Variants in ANKFN1 observed in about 807,000 individuals in gnomAD.
ANKFN1 encodes the protein ankyrin repeat and fibronectin type-III domain-containing protein 1.
A neutral mutation model predicts 108.7 loss-of-function variants in ANKFN1; 74 were observed. The ratio of observed to expected loss-of-function variants is 0.68; its 90% confidence interval spans 0.56 to 0.83. The LOEUF is 0.83. Ranked by LOEUF, ANKFN1 falls within the 40% of genes least tolerant of loss-of-function variation. The pLI is 0.00. For synonymous variants in ANKFN1, 547 were observed against 516.2 expected (o/e 1.06, Z -0.81); for missense variants, 1,505 against 1,382.3 (o/e 1.09, Z -1.41).
chr17:56,104,861 C>T (rs563833258), intron 4 of ANKFN1, among the ~76,000 whole-genome samples: 1 of 152,224 alleles, frequency 6.6e-6, no homozygotes, highest in East Asian at 1.9e-4. Context: ...GAGAGGGTCA[C>T]AGGACAACTA....
chr17:56,487,911 G>A (rs1284395624), intron 18 of ANKFN1, among the ~76,000 whole-genome samples: 1 of 152,196 alleles, frequency 6.6e-6, no homozygotes, highest in Non-Finnish European at 1.5e-5. Flanking sequence ...GAGACCTGCA[G>A]CCTGATTAAG....
At chr17:56,467,888 G>T (rs558906878) in intron 15 of ANKFN1, among the ~76,000 whole-genome samples, 2 of 151,926 alleles carry the variant, frequency 1.3e-5, no homozygotes, top group South Asian at 2.1e-4. Flanking sequence ...GCTCAAAGAG[G>T]TTAAATGACA....
chr17:56,127,201 G>A (rs1026913392), intron 4 of ANKFN1, among the ~76,000 whole-genome samples: 1 of 152,170 alleles, frequency 6.6e-6, no homozygotes, highest in Non-Finnish European at 1.5e-5. Context: ...TGATTTTGTA[G>A]ATAAGGAAAT....
chr17:56,453,312 T>C (rs2049559173), intron 11 of ANKFN1, among the ~76,000 whole-genome samples: 1 of 152,200 alleles, frequency 6.6e-6, no homozygotes, highest in Non-Finnish European at 1.5e-5. Context: ...TACATTATAA[T>C]GATAAATTAT....
intron 1 of ANKFN1, chr17:56,174,485 G>T (rs957067594): frequency 8.9e-6 from 8 of 900,352 alleles, no homozygotes; most frequent in African/African-American, 3.6e-5. Context: ...AATTACTTGT[G>T]CTCCCCCTCC....
At chr17:56,405,538 T>C (rs1415193101) in intron 8 of ANKFN1, among the ~76,000 whole-genome samples, 2 of 152,174 alleles carry the variant, frequency 1.3e-5, no homozygotes, top group East Asian at 3.8e-4. Flanking sequence ...AGTAGGGGGA[T>C]TTATCCTACA....
chr17:56,311,177 G>GTA (rs991559150), intron 3 of ANKFN1, among the ~76,000 whole-genome samples: 14 of 152,152 alleles, frequency 9.2e-5, no homozygotes, highest in African/African-American at 3.1e-4. Context: ...TTGTGTGTGT[G>GTA]TGTGTGTGTA....
intron 6 of ANKFN1, among the ~76,000 whole-genome samples, chr17:56,356,767 G>T (rs1323789186): frequency 6.6e-6 from 1 of 152,176 alleles, no homozygotes; most frequent in Admixed American, 6.5e-5. Flanking sequence ...GAAGGGTGGA[G>T]AGAGAATCAG....
chr17:56,489,261 C>A (rs944616549), intron 18 of ANKFN1, among the ~76,000 whole-genome samples: 3 of 152,022 alleles, frequency 2.0e-5, no homozygotes, highest in Non-Finnish European at 2.9e-5. Context: ...TCATGTGGTC[C>A]AGCTAATGAC....
chr17:56,113,582 T>C (rs1244714551), intron 4 of ANKFN1, among the ~76,000 whole-genome samples: 2 of 152,190 alleles, frequency 1.3e-5, no homozygotes, highest in African/African-American at 4.8e-5. Context: ...TCTGTGTATC[T>C]CAACATTCTC....
At chr17:56,157,937 A>G (rs567602705) in intron 1 of ANKFN1, among the ~76,000 whole-genome samples, 1 of 152,338 alleles carries the variant, frequency 6.6e-6, no homozygotes, top group Admixed American at 6.5e-5. Flanking sequence ...CTTCAACTCC[A>G]GGTAATATAA....
chr17:56,132,873 ACTCCAC>A (rs894369702), intron 4 of ANKFN1, among the ~76,000 whole-genome samples: 12 of 151,764 alleles, frequency 7.9e-5, no homozygotes, highest in African/African-American at 2.7e-4. Context: ...TCTCCCAAAG[ACTCCAC>A]CTCCTAATAC....
At chr17:56,226,544 T>G (rs895545358) in intron 2 of ANKFN1, among the ~76,000 whole-genome samples, 1 of 152,168 alleles carries the variant, frequency 6.6e-6, no homozygotes, top group Non-Finnish European at 1.5e-5. Flanking sequence ...AAAAGCAATC[T>G]GGATGAGGAA....
At chr17:56,213,001 G>A (rs976050564) in intron 2 of ANKFN1, among the ~76,000 whole-genome samples, 1 of 152,190 alleles carries the variant, frequency 6.6e-6, no homozygotes, top group African/African-American at 2.4e-5. Context: ...CCTCACATCT[G>A]AAGTTCTTTG....
intron 4 of ANKFN1, among the ~76,000 whole-genome samples, chr17:56,117,892 G>A (rs1906374590): frequency 6.6e-6 from 1 of 151,986 alleles, no homozygotes; most frequent in Admixed American, 6.6e-5. Flanking sequence ...ATCCATCTCT[G>A]CCAATTCTCC....
intron 6 of ANKFN1, among the ~76,000 whole-genome samples, chr17:56,354,821 T>A (rs998172761): frequency 6.6e-6 from 1 of 152,216 alleles, no homozygotes; most frequent in Non-Finnish European, 1.5e-5. Flanking sequence ...ATTTTCTTTA[T>A]CTATTCATCT....
chr17:56,440,421 A>C lies in ANKFN1; in HGVS notation c.1005A>C (p.Thr335=). Residue 335 remains threonine, a synonymous_variant, in exon 9 of 21, where the codon ACA becomes ACC. Transcript: ENST00000682825. The part of the protein sequence containing the change: ...QTLRCTITGL[T]MGQQYFVQVS... ...TGAGATGCACAATCACAGGACTTAC[A>C]ATGGTAAATGTCCCCAGTAGACTTT... The C allele has an allele frequency of 1.9e-6, 3 of 1,607,252 alleles. No individual in the cohort carries two copies. Among genetic ancestry groups the C allele is most frequent in the Non-Finnish European group, 2.6e-6 (3 of 1,174,484 alleles).
At chr17:56,441,286 G>T (rs1012678361) in intron 9 of ANKFN1, among the ~76,000 whole-genome samples, 1 of 151,870 alleles carries the variant, frequency 6.6e-6, no homozygotes, top group Non-Finnish European at 1.5e-5. Context: ...TATTATTGTT[G>T]TTGTTTTCTT....
chr17:56,223,550 G>A (rs1046002735), intron 2 of ANKFN1, among the ~76,000 whole-genome samples: 2 of 152,262 alleles, frequency 1.3e-5, no homozygotes, highest in African/African-American at 4.8e-5. Flanking sequence ...TTCCAATACC[G>A]TAGGAGAAGC....
Sources: gnomAD v4.1 joint callset for allele counts (sites outside exome capture counted in the v4.1 genomes callset) on GRCh38, gnomAD v4.1.1 for gene constraint, MANE v1.5 for transcripts, NCBI Gene and HGNC (gene_info 2026-07-23, HGNC 2026-07-21) for gene names.